Variants in BNIPL observed in about 807,000 individuals in gnomAD.
The protein encoded by BNIPL is bcl-2/adenovirus E1B 19 kDa-interacting protein 2-like protein.
In BNIPL, 33 loss-of-function variants were observed where a neutral mutation model predicts 47.0. The observed-to-expected ratio is 0.70, with a 90% CI of 0.53 to 0.94. The LOEUF is 0.94. BNIPL is among the 40% of genes least tolerant of loss of function. The pLI, the probability that BNIPL is intolerant of heterozygous loss-of-function variation, is 0.00. For synonymous variants in BNIPL, 145 were observed against 162.7 expected, an observed-to-expected ratio of 0.89 and a Z score of 0.83; for missense variants, 404 against 445.2, an observed-to-expected ratio of 0.91 and a Z score of 0.83.
Position 151,045,653 on chromosome 1 carries a change from G to A in BNIPL, c.852-144G>A, listed in dbSNP as rs1426098347. The A allele has an allele frequency of 6.3e-6, 9 of 1,418,326 alleles. No homozygotes were observed. In the East Asian group the frequency reaches 7.4e-5, roughly 12 times the overall value. The allele number at this position is 1,418,326 out of a possible 1,614,324, so 87.9% of individuals were successfully genotyped here. ...GGGTGGAGCTGAGATTACAGCTGAC[G>A]GAATGGGGATTAGACCCAAGTACCA... On this transcript the variant is annotated intron_variant, in intron 7 of 9. Coordinates refer to ENST00000368931, the MANE Select transcript of BNIPL (RefSeq NM_138278.4).
Position 151,046,732 on chromosome 1 carries a change from T to A in BNIPL, c.*45T>A, listed in dbSNP as rs760967032. 36 of 1,466,386 alleles carry A rather than the reference T, an allele frequency of 2.5e-5. No homozygotes were observed. The highest frequency in any genetic ancestry group is 3.2e-5 in the Non-Finnish European group (34 of 1,055,636). 90.8% of individuals were successfully genotyped at this position (1,466,386 alleles called of 1,614,324 possible). A position where few individuals can be genotyped will look rare whatever the true frequency, so the allele number is the denominator to read the frequency against. ...CCTTAGAACCAGTTAGTGATCTGCC[T>A]ACACCTGAATCCCTGAAACATCTGA... is the stretch of plus-strand genomic sequence containing the variant. On this transcript the variant is annotated 3_prime_UTR_variant, in exon 10 of 10. Transcript: ENST00000368931.
At chr1:151,041,868 G>A (rs992916910) in intron 4 of BNIPL, among the ~76,000 whole-genome samples, 1 of 151,982 alleles carries the variant, frequency 6.6e-6, no homozygotes, top group Non-Finnish European at 1.5e-5. Flanking sequence ...CCAGCTACTC[G>A]GGAGGCTGAG....
intron 2 of BNIPL, among the ~76,000 whole-genome samples, chr1:151,037,997 T>G (rs1675680808): frequency 5.2e-5 from 3 of 57,466 alleles, no homozygotes; most frequent in Non-Finnish European, 8.6e-5. Flanking sequence ...TGAAACTCTG[T>G]CTCAAAAAAA....
Position 151,043,359 on chromosome 1 carries a change from T to A in BNIPL, c.644T>A (p.Val215Asp), listed in dbSNP as rs1369172012. Reference protein sequence around the residue: ...GGYHGDGLNAVILFASCYLPR... With the variant: ...GGYHGDGLNADILFASCYLPR... ...TACCACGGTGATGGCCTCAATGCTG[T>A]CATCCTTTTTGCTTCCTGTTATCTA... is the stretch of plus-strand genomic sequence containing the variant. Residue 215 changes from valine to aspartate, a missense_variant, in exon 6 of 10, where the codon GTC (valine) becomes GAC (aspartate). Coordinates refer to ENST00000368931, the MANE Select transcript of BNIPL (RefSeq NM_138278.4). 1 of 1,611,248 alleles carries A rather than the reference T, an allele frequency of 6.2e-7. No individual in the cohort carries two copies. Among genetic ancestry groups the A allele is most frequent in the African/African-American group, 1.3e-5 (1 of 74,958 alleles).
At position 151,043,695 on chromosome 1, in the gene BNIPL, G is replaced by A. The variant is rs145614553; in HGVS notation, c.819G>A (p.Trp273Ter). Residue 273 changes from tryptophan (W) to a stop codon, truncating the protein, a stop_gained, in exon 7 of 10, where the codon TGG becomes TGA. Transcript: ENST00000368931. LOFTEE classifies it high-confidence loss of function. ...TSRAQVPPLSWIRQCYRTLDR... is the reference protein window; with the variant it reads ...TSRAQVPPLS ...GGGCCCAAGTTCCACCTCTAAGCTG[G>A]ATACGTCAGTGTTACCGTACCCTGG... 139 of 1,614,048 alleles carry A rather than the reference G, an allele frequency of 8.6e-5. 1 individual carries two copies. The African/African-American group carries it at 1.7e-3, about 20-fold the overall frequency.
chr1:151,043,795 C>T (rs1032712346), intron 7 of BNIPL, 68 bp downstream of exon 7: 180 of 1,501,530 alleles, frequency 1.2e-4, no homozygotes, highest in Non-Finnish European at 1.6e-4. Context: ...TCTATTATTT[C>T]TTCTTCCATT....
At position 151,041,985 on chromosome 1, in the gene BNIPL, A is replaced by G. The variant is rs967645795; in HGVS notation, c.434-971A>G. Reference sequence around the variant, plus strand: ...GCAAGACTCCATCTCAGAAAAAAAAAGGAAATAGGAAATATGAGGGAGAAT... The same window carrying G: ...GCAAGACTCCATCTCAGAAAAAAAAGGGAAATAGGAAATATGAGGGAGAAT... On this transcript the variant is annotated intron_variant, in intron 4 of 9. Coordinates refer to ENST00000368931, the MANE Select transcript of BNIPL (RefSeq NM_138278.4). Among the ~76,000 whole-genome samples the G allele has an allele frequency of 5.3e-5, 8 of 152,210 alleles. No individual in the cohort carries two copies. The Middle Eastern group carries it at 0.01, about 194-fold the overall frequency.
At chr1:151,037,150 C>A (rs587595260) in intron 1 of BNIPL, among the ~76,000 whole-genome samples, 1 of 152,246 alleles carries the variant, frequency 6.6e-6, no homozygotes, top group African/African-American at 2.4e-5. Context: ...CTTCCTCCAC[C>A]CCTCCACTTA....
rs587663321 is a variant in BNIPL, at chr1:151,046,541, C to T, written c.1038-110C>T. ...GCAAAAGTGCTAAATGATGACTCAA[C>T]CCAATCATCTAGCTCTTCCAATTCA... On this transcript the variant is annotated intron_variant, in intron 9 of 9. Transcript: ENST00000368931. The T allele has an allele frequency of 1.4e-5, 14 of 1,007,462 alleles. No individual in the cohort carries two copies. In the South Asian group the frequency reaches 2.1e-4, roughly 15 times the overall value. 62.4% of individuals were successfully genotyped at this position (1,007,462 alleles called of 1,614,324 possible). A position where few individuals can be genotyped will look rare whatever the true frequency, so the allele number is the denominator to read the frequency against.
At chr1:151,043,167 G>A (rs765733629) in intron 5 of BNIPL, 29 bp downstream of exon 5, 7 of 1,595,054 alleles carry the variant, frequency 4.4e-6, no homozygotes, top group Admixed American at 3.4e-5. Flanking sequence ...CAGGTGTTAA[G>A]AGCTATGGCT....
In BNIPL at chr1:151,038,799, C is replaced by G. The variant is rs775521417; in HGVS notation, c.206C>G (p.Ala69Gly). 5.7e-6 allele frequency: 9 copies of G among 1,574,772 alleles called. No individual in the cohort carries two copies. Among genetic ancestry groups the G allele is most frequent in the Non-Finnish European group, 7.8e-6 (9 of 1,160,344 alleles). ...CTCTTTTTCCCCCTTTCTCCAGCTG[C>G]AGGTACCCCCAGCACTTTAGCCCTG... ...EDPKGDSQAA[A>G]GTPSTLALCG... The change falls in exon 4 of 10, where the codon GCA (alanine) becomes GGA (glycine). Residue 69 changes from alanine to glycine, a missense_variant. Physicochemically the swap from Ala to Gly is moderately conservative, Grantham distance 60. Coordinates refer to ENST00000368931, the MANE Select transcript of BNIPL (RefSeq NM_138278.4).
At chr1:151,046,572 C>A in intron 9 of BNIPL, 79 bp from the exon 10 acceptor site, 1 of 1,340,710 alleles carries the variant, frequency 7.5e-7, no homozygotes, top group South Asian at 1.3e-5. Flanking sequence ...ATTCACCTGG[C>A]TTCTCTCCCC....
intron 7 of BNIPL, 34 bp downstream of exon 7, chr1:151,043,761 A>G (rs746308843): frequency 1.9e-6 from 3 of 1,552,670 alleles, no homozygotes; most frequent in East Asian, 2.3e-5. Context: ...ACAACTCTCT[A>G]TCTCATCTTT....
Position 151,046,794 on chromosome 1 carries a change from C to A in BNIPL, c.*107C>A. The stretch of plus-strand genomic sequence containing the variant: ...AATCATCTTATCCCCAACCTCAGTA[C>A]CACCGGATCTTCACTTCTCAGTGGG... On this transcript the variant is annotated 3_prime_UTR_variant, in exon 10 of 10. Transcript: ENST00000368931. 1.1e-6 allele frequency: 1 copy of A among 890,334 alleles called. No individual in the cohort carries two copies. The highest frequency in any genetic ancestry group is 1.8e-5 in the South Asian group (1 of 55,962). The allele number at this position is 890,334 out of a possible 1,614,324, so 55.2% of individuals were successfully genotyped here. A position where few individuals can be genotyped will look rare whatever the true frequency, so the allele number is the denominator to read the frequency against.
intron 1 of BNIPL, chr1:151,037,326 G>C: frequency 8.3e-7 from 1 of 1,198,054 alleles, no homozygotes; most frequent in East Asian, 4.4e-5. Context: ...TGGAGCAACT[G>C]CTACAGAGGT....
chr1:151,044,069 C>G (rs761978593), intron 7 of BNIPL, among the ~76,000 whole-genome samples: 6 of 152,222 alleles, frequency 3.9e-5, no homozygotes, highest in Non-Finnish European at 8.8e-5. Flanking sequence ...ACTGCCACCT[C>G]TGCCTGCCAG....
At chr1:151,043,240 C>CT in intron 5 of BNIPL, 92 bp from the exon 6 acceptor site, 1 of 1,506,604 alleles carries the variant, frequency 6.6e-7, no homozygotes, top group East Asian at 2.3e-5. Context: ...CTGGAACTTC[C>CT]AGAGACCCTC....
At position 151,038,369 on chromosome 1, in the gene BNIPL, G is replaced by A. The variant is rs1675701149; in HGVS notation, c.138-135G>A. Reference sequence around the variant, plus strand: ...AGCCTGGGCAACAGAGTGAGACCCTGTCTCAAAAAAACAATTAAAAAAAAA... The same window carrying A: ...AGCCTGGGCAACAGAGTGAGACCCTATCTCAAAAAAACAATTAAAAAAAAA... On this transcript the variant is annotated intron_variant, in intron 2 of 9. Transcript: ENST00000368931. 8.5e-6 allele frequency: 6 copies of A among 705,610 alleles called. No individual in the cohort carries two copies. The Admixed American group carries it at 1.2e-4, about 15-fold the overall frequency. 43.7% of individuals were successfully genotyped at this position (705,610 alleles called of 1,614,324 possible). A position where few individuals can be genotyped will look rare whatever the true frequency, so the allele number is the denominator to read the frequency against.
rs1014075187 is a variant in BNIPL, at chr1:151,046,519, A to G, written c.1038-132A>G. 8.5e-6 allele frequency: 7 copies of G among 822,788 alleles called. No individual in the cohort carries two copies. The African/African-American group carries it at 8.7e-5, about 10-fold the overall frequency. 51.0% of individuals were successfully genotyped at this position (822,788 alleles called of 1,614,324 possible). ...GTGGGGGAGAGGGTGTTAGGGAGCA[A>G]AAGTGCTAAATGATGACTCAACCCA... On this transcript the variant is annotated intron_variant, in intron 9 of 9. Coordinates refer to ENST00000368931, the MANE Select transcript of BNIPL (RefSeq NM_138278.4).
Sources: allele counts gnomAD v4.1 joint callset (sites outside exome capture counted in the v4.1 genomes callset), GRCh38; gene constraint gnomAD v4.1.1; transcripts MANE v1.5; gene names NCBI Gene and HGNC (gene_info 2026-07-23, HGNC 2026-07-21).